TANC2: variants seen among roughly 807,000 people sequenced by gnomAD.
The protein encoded by TANC2 is tetratricopeptide repeat, ankyrin repeat and coiled-coil containing 2, also known as protein TANC2.
Under a neutral mutation model 210.5 loss-of-function variants are expected in TANC2, and 26 were observed. That is an observed-to-expected ratio of 0.12 (90% CI 0.09 to 0.17). TANC2 has a LOEUF of 0.17. Among genes scored for constraint, TANC2 ranks in the 10% least tolerant of loss-of-function variants. The pLI is 1.00. For missense variants in TANC2, 2,129 were observed against 2,608.9 expected, an observed-to-expected ratio of 0.82 and a Z score of 4.01; for synonymous variants, 931 against 967.1, an observed-to-expected ratio of 0.96 and a Z score of 0.69.
chr17:63,413,666 AACAGCCACTG>A, intron 25 of TANC2, 32 bp downstream of exon 25: 3 of 1,537,714 alleles, frequency 2.0e-6, no homozygotes, highest in Non-Finnish European at 2.7e-6. Context: ...GTTTCTTCAG[AACAGCCACTG>A]ACTGTTTTCC....
intron 11 of TANC2, among the ~76,000 whole-genome samples, chr17:63,335,755 CTG>C (rs944141326): frequency 2.0e-5 from 3 of 151,874 alleles, no homozygotes; most frequent in Non-Finnish European, 4.4e-5. Flanking sequence ...AGTGGAAAAA[CTG>C]TAAAATTTGA....
intron 9 of TANC2, among the ~76,000 whole-genome samples, chr17:63,280,518 T>A (rs1040587947): frequency 1.3e-5 from 2 of 152,084 alleles, no homozygotes; most frequent in Non-Finnish European, 2.9e-5. Context: ...TTAAAAGAGT[T>A]GCTTTTTTAA....
chr17:63,398,699 CT>C (rs2048247278), intron 18 of TANC2, 121 bp from the exon 19 acceptor site: 1 of 598,764 alleles, frequency 1.7e-6, no homozygotes, highest in African/African-American at 1.9e-5. Flanking sequence ...ATTCTGATTC[CT>C]TTTGTGTGCA....
intron 7 of TANC2, among the ~76,000 whole-genome samples, chr17:63,218,787 G>A (rs1307539270): frequency 6.6e-6 from 1 of 152,048 alleles, no homozygotes. Flanking sequence ...TGCTAGCTAA[G>A]GGAGGCTGAG....
chr17:62,991,365 A>C (rs1052360055), intron 1 of TANC2, among the ~76,000 whole-genome samples: 1 of 152,076 alleles, frequency 6.6e-6, no homozygotes, highest in Admixed American at 6.6e-5. Context: ...TAGGCCGGGC[A>C]GGGTGGCTCA....
intron 2 of TANC2, among the ~76,000 whole-genome samples, chr17:63,033,329 C>T (rs924636965): frequency 2.6e-5 from 4 of 152,118 alleles, no homozygotes; most frequent in Non-Finnish European, 5.9e-5. Context: ...TGATTGGTTC[C>T]TCTGGCAGTC....
chr17:63,055,986 AAAAAATATATATAT>A (rs1218418357), intron 2 of TANC2, among the ~76,000 whole-genome samples: 5 of 11,204 alleles, frequency 4.5e-4, no homozygotes, highest in Admixed American at 3.3e-3. Flanking sequence ...AAAAAAAAAA[AAAAAATATATATAT>A]ATATATATAT....
intron 9 of TANC2, among the ~76,000 whole-genome samples, chr17:63,290,112 G>A (rs1009946979): frequency 6.6e-6 from 1 of 151,958 alleles, no homozygotes; most frequent in African/African-American, 2.4e-5. Flanking sequence ...TTGTGCTTTG[G>A]CATGTTTCAA....
chr17:63,102,903 C>T (rs1208258235), intron 4 of TANC2, among the ~76,000 whole-genome samples: 1 of 152,014 alleles, frequency 6.6e-6, no homozygotes, highest in Non-Finnish European at 1.5e-5. Flanking sequence ...TTTTTATAAT[C>T]CCTAAACAAT....
At chr17:63,356,903 C>A (rs903924136) in intron 14 of TANC2, among the ~76,000 whole-genome samples, 4 of 152,060 alleles carry the variant, frequency 2.6e-5, no homozygotes, top group Admixed American at 6.6e-5. Flanking sequence ...TTTTTCCTCC[C>A]CTCACCCTGC....
intron 14 of TANC2, among the ~76,000 whole-genome samples, chr17:63,370,896 T>C (rs561333648): frequency 1.1e-4 from 16 of 152,306 alleles, no homozygotes; most frequent in East Asian, 3.9e-4. Flanking sequence ...CCCACTTGAA[T>C]GCGAGGTCCC....
chr17:63,012,673 A>G (rs535817208), intron 2 of TANC2, among the ~76,000 whole-genome samples: 1 of 152,198 alleles, frequency 6.6e-6, no homozygotes, highest in South Asian at 2.1e-4. Context: ...ATTTTTAGAG[A>G]CAGGGTTTTG....
chr17:63,050,323 C>G (rs1223965845), intron 2 of TANC2, among the ~76,000 whole-genome samples: 1 of 149,738 alleles, frequency 6.7e-6, no homozygotes, highest in Non-Finnish European at 1.5e-5. Context: ...TGCCCCAGCA[C>G]TTCAGCCTGG....
intron 1 of TANC2, among the ~76,000 whole-genome samples, chr17:62,977,163 G>A (rs2032052404): frequency 6.6e-6 from 1 of 152,116 alleles, no homozygotes; most frequent in Non-Finnish European, 1.5e-5. Flanking sequence ...CAAGCATTCT[G>A]TTTCTACATA....
rs1365098541 is a variant in TANC2, at chr17:63,420,339, G to A, written c.4609G>A (p.Ala1537Thr). 1 of 1,613,938 alleles carries A rather than the reference G, an allele frequency of 6.2e-7. No homozygotes were observed. The highest frequency in any genetic ancestry group is 1.7e-5 in the Admixed American group (1 of 60,014). Reference sequence around the variant, plus strand: ...CTCCTCTCCCCCGCATCGGGACTCAGCCTACATCTCCAGCTCACCTCTTGG... The same window carrying A: ...CTCCTCTCCCCCGCATCGGGACTCAACCTACATCTCCAGCTCACCTCTTGG... The change falls in exon 28 of 28, where the codon GCC becomes ACC. Residue 1537 changes from alanine to threonine, a missense_variant. Transcript: ENST00000689528. The surrounding 1 kb of genome is among the most constrained non-coding windows in gnomAD (Gnocchi z 4.2).
chr17:63,361,758 G>T (rs558689879), intron 14 of TANC2, among the ~76,000 whole-genome samples: 2 of 152,236 alleles, frequency 1.3e-5, no homozygotes, highest in Admixed American at 6.5e-5. Flanking sequence ...CTGAGGTCTT[G>T]TCCTGCATCC....
At chr17:63,064,050 A>G (rs2036105906) in intron 2 of TANC2, among the ~76,000 whole-genome samples, 1 of 152,202 alleles carries the variant, frequency 6.6e-6, no homozygotes, top group Non-Finnish European at 1.5e-5. Flanking sequence ...TAACTGTAAA[A>G]TGACATGAAT....
At chr17:63,375,702 T>C (rs1000726072) in intron 14 of TANC2, among the ~76,000 whole-genome samples, 5 of 152,240 alleles carry the variant, frequency 3.3e-5, no homozygotes, top group African/African-American at 1.2e-4. Flanking sequence ...AGATACTTCA[T>C]AAATGCTTTG....
intron 7 of TANC2, among the ~76,000 whole-genome samples, chr17:63,219,614 A>G (rs2042115151): frequency 6.6e-6 from 1 of 151,866 alleles, no homozygotes; most frequent in South Asian, 2.1e-4. Context: ...GTTTCCCCAT[A>G]TTGGTCGGTT....
Sources: allele counts gnomAD v4.1 joint callset (sites outside exome capture counted in the v4.1 genomes callset), GRCh38; gene constraint gnomAD v4.1.1; non-coding constraint Gnocchi (gnomAD v3.1); transcripts MANE v1.5; gene names NCBI Gene and HGNC (gene_info 2026-07-23, HGNC 2026-07-21).